Variants in NUBP1 observed in about 807,000 individuals in gnomAD.
The protein encoded by NUBP1 is cytosolic Fe-S cluster assembly factor NUBP1.
NUBP1 carries 46 observed loss-of-function variants against 41.8 expected under a neutral mutation model. That is an observed-to-expected ratio of 1.10 (90% CI 0.87 to 1.41). The LOEUF is 1.41. Ranked by LOEUF, NUBP1 falls within the 40% of genes most tolerant of loss-of-function variation. The pLI is 0.00. For missense variants in NUBP1, 494 were observed against 414.0 expected (o/e 1.19, Z -1.68); for synonymous variants, 189 against 154.6 (o/e 1.22, Z -1.65).
chr16:10,745,703 C>T (rs1900026084), intron 2 of NUBP1, among the ~76,000 whole-genome samples: 1 of 152,178 alleles, frequency 6.6e-6, no homozygotes, highest in African/African-American at 2.4e-5. Context: ...TAGTTACATT[C>T]TTGTGAGGTT....
intron 9 of NUBP1, among the ~76,000 whole-genome samples, chr16:10,762,659 G>A (rs538163567): frequency 4.6e-5 from 7 of 152,350 alleles, no homozygotes; most frequent in African/African-American, 1.4e-4. Flanking sequence ...TGGAGGGGAG[G>A]CCGGGATCCA....
chr16:10,747,529 C>T (rs781302880), intron 3 of NUBP1, among the ~76,000 whole-genome samples: 23 of 152,120 alleles, frequency 1.5e-4, no homozygotes, highest in Admixed American at 1.2e-3. Flanking sequence ...CAGCTTTTCG[C>T]GAGGATGAGC....
intron 4 of NUBP1, among the ~76,000 whole-genome samples, chr16:10,755,451 T>C (rs1450013540): frequency 1.3e-5 from 2 of 152,214 alleles, no homozygotes; most frequent in Non-Finnish European, 2.9e-5. Context: ...CACAACATCA[T>C]ATTTGAACTT....
intron 7 of NUBP1, chr16:10,761,010 A>AT (rs1029654090): frequency 4.7e-6 from 1 of 210,876 alleles, no homozygotes; most frequent in African/African-American, 2.3e-5. Flanking sequence ...AAGCAGGCAC[A>AT]TGTTACACAG....
chr16:10,761,855 C>A lies in NUBP1; in HGVS notation c.816C>A (p.Leu272=). Residue 272 remains leucine (L), a synonymous_variant, in exon 9 of 11, where the codon CTC becomes CTA. Coordinates refer to ENST00000283027, the MANE Select transcript of NUBP1 (RefSeq NM_002484.4). ...PLLGRVPLDP[L]IGKNCDKGQS... ...TCGGCAGAGTGCCCCTGGATCCGCT[C>A]ATAGGTGGGTGACCCCAGTGTGGGG... is the stretch of plus-strand genomic sequence containing the variant. 1 of 1,613,054 alleles carries A rather than the reference C, an allele frequency of 6.2e-7. No individual in the cohort carries two copies. Among genetic ancestry groups the A allele is most frequent in the South Asian group, 1.1e-5 (1 of 91,046 alleles).
intron 2 of NUBP1, 113 bp downstream of exon 2, chr16:10,744,178 G>T: frequency 9.1e-7 from 1 of 1,093,918 alleles, no homozygotes; most frequent in South Asian, 1.6e-5. Context: ...CAGGCTAGAA[G>T]GTATTGTATT....
At position 10,766,863 on chromosome 16, in the gene NUBP1, G is replaced by C. The variant is rs775337189; in HGVS notation, c.821-1086G>C. ...AGTTACAAAGTCATTTACGGCATAC[G>C]TCCTATGGAGAGGACATTTCCTGTT... is the stretch of plus-strand genomic sequence containing the variant. On this transcript the variant is annotated intron_variant, in intron 9 of 10. Transcript: ENST00000283027. The surrounding 1 kb of genome is among the most constrained non-coding windows in gnomAD (Gnocchi z 4.8). 5.0e-6 allele frequency: 2 copies of C among 398,388 alleles called. No homozygotes were observed. The highest frequency in any genetic ancestry group is 4.4e-6 in the Non-Finnish European group (1 of 226,064). 24.7% of individuals were successfully genotyped at this position (398,388 alleles called of 1,614,324 possible). A position where few individuals can be genotyped will look rare whatever the true frequency, so the allele number is the denominator to read the frequency against.
chr16:10,753,451 A>G (rs960866083), intron 4 of NUBP1, among the ~76,000 whole-genome samples: 1 of 151,828 alleles, frequency 6.6e-6, no homozygotes, highest in African/African-American at 2.4e-5. Flanking sequence ...CAGTCTATGT[A>G]GTTGCTGGCC....
At chr16:10,761,188 G>A (rs185388190) in intron 7 of NUBP1, 176 bp from the exon 8 acceptor site, 196 of 547,034 alleles carry the variant, frequency 3.6e-4, no homozygotes, top group Non-Finnish European at 3.9e-4. Flanking sequence ...GGGATGATGG[G>A]GATTACAGTT....
chr16:10,749,946 A>C lies in NUBP1; in HGVS notation c.259-2664A>C, dbSNP rs2142680588. On this transcript the variant is annotated intron_variant, in intron 3 of 10. Coordinates refer to ENST00000283027, the MANE Select transcript of NUBP1 (RefSeq NM_002484.4). The surrounding 1 kb of genome is among the most constrained non-coding windows in gnomAD (Gnocchi z 4.1). ...GTAGCATAAGCCTGAGCCATGAGAC[A>C]GCCAAGAGTCATACACTGTCTTCCA... Among the ~76,000 whole-genome samples, 1 of 152,340 alleles carries C rather than the reference A, an allele frequency of 6.6e-6. No individual in the cohort carries two copies. Among genetic ancestry groups the C allele is most frequent in the East Asian group, 1.9e-4 (1 of 5,194 alleles).
chr16:10,760,108 G>A (rs1232692427), intron 7 of NUBP1, among the ~76,000 whole-genome samples: 2 of 152,228 alleles, frequency 1.3e-5, no homozygotes, highest in Non-Finnish European at 1.5e-5. Flanking sequence ...ATGCAAAGTT[G>A]TCCACATTGG....
At chr16:10,761,133 T>G (rs1337368907) in intron 7 of NUBP1, 1 of 420,086 alleles carries the variant, frequency 2.4e-6, no homozygotes, top group South Asian at 2.4e-5. Context: ...GCCCCCATGA[T>G]CCAATCACCT....
Position 10,761,483 on chromosome 16 carries a change from G to A in NUBP1, c.717+9G>A, listed in dbSNP as rs565315341. 3.5e-5 allele frequency: 57 copies of A among 1,607,610 alleles called. No individual in the cohort carries two copies. In the East Asian group the frequency reaches 7.1e-4, roughly 20 times the overall value. Reference sequence around the variant, plus strand: ...TCTGTCCTAAGTGCAAGGTGAGGGCGCGTGGGGCTGCCAGGCGAGCAAGAT... The same window carrying A: ...TCTGTCCTAAGTGCAAGGTGAGGGCACGTGGGGCTGCCAGGCGAGCAAGAT... On this transcript the variant is annotated intron_variant, in intron 8 of 10. Coordinates refer to ENST00000283027, the MANE Select transcript of NUBP1 (RefSeq NM_002484.4).
intron 9 of NUBP1, among the ~76,000 whole-genome samples, chr16:10,763,006 T>C (rs962032430): frequency 7.2e-5 from 11 of 152,104 alleles, no homozygotes; most frequent in Admixed American, 2.6e-4. Context: ...CCCTGGGTTC[T>C]GGCGTTGGTG....
intron 4 of NUBP1, among the ~76,000 whole-genome samples, chr16:10,754,793 C>G (rs1034577933): frequency 3.3e-5 from 5 of 151,808 alleles, no homozygotes; most frequent in Admixed American, 2.6e-4. Context: ...ACCTGCAATC[C>G]CAACACTTTG....
At chr16:10,752,535 C>A in intron 3 of NUBP1, 75 bp from the exon 4 acceptor site, 1 of 1,210,762 alleles carries the variant, frequency 8.3e-7, no homozygotes, top group Non-Finnish European at 1.2e-6. Context: ...TCTAACCCCG[C>A]TCCCCTCCTA....
intron 9 of NUBP1, among the ~76,000 whole-genome samples, chr16:10,762,748 C>T (rs955775587): frequency 4.7e-5 from 7 of 149,504 alleles, no homozygotes; most frequent in Non-Finnish European, 9.0e-5. Flanking sequence ...GTGTCTGTGC[C>T]GGGACAGGAG....
intron 4 of NUBP1, among the ~76,000 whole-genome samples, chr16:10,754,491 C>T (rs936614298): frequency 1.3e-5 from 2 of 152,058 alleles, no homozygotes; most frequent in Admixed American, 1.3e-4. Flanking sequence ...GATCCTCCCG[C>T]CTCAGCCTCC....
At chr16:10,756,805 C>A in intron 6 of NUBP1, 25 bp downstream of exon 6, 1 of 1,573,556 alleles carries the variant, frequency 6.4e-7, no homozygotes, top group Admixed American at 1.8e-5. Context: ...CTTTTTTTGT[C>A]TCTCACATTC....
Sources: allele counts gnomAD v4.1 joint callset (sites outside exome capture counted in the v4.1 genomes callset), GRCh38; gene constraint gnomAD v4.1.1; non-coding constraint Gnocchi (gnomAD v3.1); transcripts MANE v1.5; gene names NCBI Gene and HGNC (gene_info 2026-07-23, HGNC 2026-07-21).